PLAA: variants seen among roughly 807,000 people sequenced by gnomAD.
The protein encoded by PLAA is phospholipase A2 activating protein.
Under a neutral mutation model 84.1 loss-of-function variants are expected in PLAA, and 48 were observed. The observed-to-expected ratio is 0.57, with a 90% CI of 0.45 to 0.73. PLAA has a LOEUF of 0.73. Among genes scored for constraint, PLAA ranks in the 30% least tolerant of loss-of-function variants. The probability of loss-of-function intolerance (pLI) is 0.00; values close to 1 mark genes in which losing one functional copy is unlikely to be tolerated. For synonymous variants in PLAA, 392 were observed against 336.6 expected, an observed-to-expected ratio of 1.16 and a Z score of -1.80; for missense variants, 903 against 954.7, an observed-to-expected ratio of 0.95 and a Z score of 0.71.
intron 1 of PLAA, among the ~76,000 whole-genome samples, chr9:26,942,464 A>G (rs1825570345): frequency 6.6e-6 from 1 of 152,264 alleles, no homozygotes; most frequent in Non-Finnish European, 1.5e-5. Context: ...AAATTGACTC[A>G]GTGATAAATA....
intron 4 of PLAA, among the ~76,000 whole-genome samples, chr9:26,926,863 T>C (rs1010706033): frequency 2.0e-5 from 3 of 151,746 alleles, no homozygotes; most frequent in African/African-American, 7.2e-5. Context: ...TAATTTTTCT[T>C]CCCCAACAAG....
At chr9:26,927,127 C>CTTTTTTTTTTTTTTT (rs10672584) in intron 4 of PLAA, among the ~76,000 whole-genome samples, 3 of 136,784 alleles carry the variant, frequency 2.2e-5, no homozygotes, top group East Asian at 2.3e-4. Flanking sequence ...TTTTGTTTTT[C>CTTTTTTTTTTTTTTT]TTTTTTTTTT....
At chr9:26,936,393 T>C (rs1158803766) in intron 1 of PLAA, among the ~76,000 whole-genome samples, 1 of 152,146 alleles carries the variant, frequency 6.6e-6, no homozygotes, top group African/African-American at 2.4e-5. Context: ...CTAGAGAATA[T>C]TCTGGGAAGT....
At position 26,930,020 on chromosome 9, in the gene PLAA, T is replaced by A. The variant is rs536798524; in HGVS notation, c.344-1612A>T. Among the ~76,000 whole-genome samples the A allele has an allele frequency of 1.4e-4, 21 of 152,266 alleles. 1 individual carries two copies. In the South Asian group the frequency reaches 4.4e-3, roughly 32 times the overall value. On this transcript the variant is annotated intron_variant, in intron 2 of 13. Transcript: ENST00000397292. The stretch of plus-strand genomic sequence containing the variant: ...TCACACACATGTTTTTGGTGTTTTT[T>A]TAAAATTGATTTTTTTAATTCTCTA...
At chr9:26,919,172 C>A in intron 9 of PLAA, 138 bp downstream of exon 9, 1 of 522,308 alleles carries the variant, frequency 1.9e-6, no homozygotes, top group Non-Finnish European at 3.4e-6. Context: ...GAGGCTTAAA[C>A]ATATGAATGT....
intron 2 of PLAA, among the ~76,000 whole-genome samples, chr9:26,933,392 C>T (rs1307947855): frequency 1.3e-5 from 2 of 151,698 alleles, no homozygotes; most frequent in Non-Finnish European, 2.9e-5. Context: ...TATAGTGAGC[C>T]GAGATCACAA....
chr9:26,935,687 G>T (rs1364680181), intron 1 of PLAA, among the ~76,000 whole-genome samples: 1 of 152,066 alleles, frequency 6.6e-6, no homozygotes, highest in African/African-American at 2.4e-5. Context: ...TACATAGCTA[G>T]AACAGGGGTG....
chr9:26,932,182 C>G (rs939990834), intron 2 of PLAA, among the ~76,000 whole-genome samples: 7 of 151,426 alleles, frequency 4.6e-5, no homozygotes, highest in Non-Finnish European at 1.0e-4. Flanking sequence ...ATTTATGAGA[C>G]AACTGGGTAA....
At chr9:26,938,320 C>CT (rs1587189643) in intron 1 of PLAA, among the ~76,000 whole-genome samples, 2 of 152,216 alleles carry the variant, frequency 1.3e-5, no homozygotes, top group East Asian at 3.9e-4. Flanking sequence ...CTGCAGAGTG[C>CT]TGCGACCACA....
At position 26,928,414 on chromosome 9, in the gene PLAA, GA is replaced by G; in HGVS notation, c.344-7del. 6.5e-7 allele frequency: 1 copy of G among 1,546,338 alleles called. No homozygotes were observed. The highest frequency in any genetic ancestry group is 8.9e-7 in the Non-Finnish European group (1 of 1,118,818). The stretch of plus-strand genomic sequence containing the variant: ...TCCAGATGATAGACTACAAACTAAG[GA>G]AAAAACATCATTGGATAACACATTT... On this transcript the variant is annotated splice_polypyrimidine_tract_variant and splice_region_variant and intron_variant, in intron 2 of 13. Coordinates refer to ENST00000397292, the MANE Select transcript of PLAA (RefSeq NM_001031689.3).
At chr9:26,932,041 T>C (rs144381909) in intron 2 of PLAA, among the ~76,000 whole-genome samples, 67 of 152,156 alleles carry the variant, frequency 4.4e-4, no homozygotes, top group Non-Finnish European at 7.6e-4. Flanking sequence ...GAGCTGAAGA[T>C]TGCACCACTG....
At chr9:26,934,930 A>G (rs1825311185) in intron 2 of PLAA, 83 bp downstream of exon 2, 4 of 1,051,162 alleles carry the variant, frequency 3.8e-6, no homozygotes, top group Non-Finnish European at 4.2e-6. Context: ...TATAATAAAA[A>G]CTTGAGAAAA....
Position 26,935,077 on chromosome 9 carries a change from A to T in PLAA, c.279T>A (p.Asn93Lys), listed in dbSNP as rs1456416514. 3 of 1,610,620 alleles carry T rather than the reference A, an allele frequency of 1.9e-6. No individual in the cohort carries two copies. The Admixed American group carries it at 5.1e-5, about 27-fold the overall frequency. The stretch of plus-strand genomic sequence containing the variant: ...GACTGTCCAGTGAGAAAATGCATAT[A>T]TTGTGGTCATTTCCACCGGTGGCAA... ...GLIATGGNDH[N>K]ICIFSLDSPM... Residue 93 changes from asparagine to lysine, a missense_variant, in exon 2 of 14, where the codon AAT (asparagine) becomes AAA (lysine). Transcript: ENST00000397292.
In PLAA at chr9:26,926,432, T is replaced by G. The variant is rs772467006; in HGVS notation, c.694A>C (p.Asn232His). The change falls in exon 5 of 14, where the codon AAT becomes CAT. Residue 232 changes from asparagine (N) to histidine (H), a missense_variant. By Grantham distance (68) the Asn-to-His change is moderately conservative. Transcript: ENST00000397292. ...ECLEVYYGHT[N>H]YIYSISVFPN... The stretch of plus-strand genomic sequence containing the variant: ...AAAACGGATATGCTATAAATATAAT[T>G]TGTATGTCCATAATATACTTCAAGA... The G allele has an allele frequency of 1.9e-6, 3 of 1,609,086 alleles. No individual in the cohort carries two copies. Among genetic ancestry groups the G allele is most frequent in the Non-Finnish European group, 2.6e-6 (3 of 1,175,692 alleles).
At chr9:26,932,811 A>C (rs958027324) in intron 2 of PLAA, among the ~76,000 whole-genome samples, 1 of 152,210 alleles carries the variant, frequency 6.6e-6, no homozygotes, top group Non-Finnish European at 1.5e-5. Context: ...ACACAAACAC[A>C]CATACAGGCA....
At position 26,917,223 on chromosome 9, in the gene PLAA, C is replaced by T. The variant is rs58243441; in HGVS notation, c.1418-58G>A. On this transcript the variant is annotated intron_variant, in intron 9 of 13. Transcript: ENST00000397292. Reference sequence around the variant, plus strand: ...GCACCAAAGTTCTGAATTTTTCAAACAGCACAATGCTTGTTTTAGAAGAAC... The same window carrying T: ...GCACCAAAGTTCTGAATTTTTCAAATAGCACAATGCTTGTTTTAGAAGAAC... 2.7e-3 allele frequency: 3,591 copies of T among 1,329,206 alleles called. 72 individuals carry two copies. The African/African-American group carries it at 0.046, about 17-fold the overall frequency. The allele number at this position is 1,329,206 out of a possible 1,614,324, so 82.3% of individuals were successfully genotyped here.
intron 1 of PLAA, among the ~76,000 whole-genome samples, chr9:26,941,211 C>T (rs1168672310): frequency 6.7e-6 from 1 of 150,240 alleles, no homozygotes; most frequent in Non-Finnish European, 1.5e-5. Flanking sequence ...TGCAGCTAGA[C>T]AACCCAGCCA....
intron 2 of PLAA, among the ~76,000 whole-genome samples, chr9:26,928,686 G>A (rs543373728): frequency 1.3e-5 from 2 of 152,246 alleles, no homozygotes; most frequent in Admixed American, 6.5e-5. Flanking sequence ...ACGAGGGAGC[G>A]GAACTTAAGT....
At chr9:26,934,936 G>C in intron 2 of PLAA, 77 bp downstream of exon 2, 1 of 1,098,688 alleles carries the variant, frequency 9.1e-7, no homozygotes, top group Non-Finnish European at 1.3e-6. Context: ...AAAAACTTGA[G>C]AAAATGGATA....
Sources: allele counts gnomAD v4.1 joint callset (sites outside exome capture counted in the v4.1 genomes callset), GRCh38; gene constraint gnomAD v4.1.1; transcripts MANE v1.5; gene names NCBI Gene and HGNC (gene_info 2026-07-23, HGNC 2026-07-21).